Variants in EPHA3 observed in about 807,000 individuals in gnomAD.
The protein encoded by EPHA3 is ephrin type-A receptor 3.
Under a neutral mutation model 107.1 loss-of-function variants are expected in EPHA3, and 42 were observed. The ratio of observed to expected loss-of-function variants is 0.39; its 90% confidence interval spans 0.31 to 0.51. EPHA3 has a LOEUF of 0.51. Among genes scored for constraint, EPHA3 ranks in the 20% least tolerant of loss-of-function variants. The pLI is 0.78. For synonymous variants in EPHA3, 461 were observed against 424.8 expected (o/e 1.09, Z -1.05); for missense variants, 1,183 against 1,211.2 (o/e 0.98, Z 0.35).
chr3:89,309,592 C>A (rs954310364), intron 3 of EPHA3, among the ~76,000 whole-genome samples: 5 of 152,086 alleles, frequency 3.3e-5, no homozygotes, highest in African/African-American at 4.8e-5. Context: ...CTTTTACTAG[C>A]CTATCCCATA....
At chr3:89,340,330 T>A (rs1035121141) in intron 3 of EPHA3, among the ~76,000 whole-genome samples, 1 of 152,224 alleles carries the variant, frequency 6.6e-6, no homozygotes, top group African/African-American at 2.4e-5. Flanking sequence ...TATATTTAAA[T>A]CTTTATTTTA....
At chr3:89,390,216 C>A (rs1708697653) in intron 5 of EPHA3, among the ~76,000 whole-genome samples, 1 of 152,048 alleles carries the variant, frequency 6.6e-6, no homozygotes. Context: ...GTCTCGACCT[C>A]CTGACCTCAT....
chr3:89,452,469 C>T (rs1230649957), intron 15 of EPHA3, among the ~76,000 whole-genome samples: 1 of 152,170 alleles, frequency 6.6e-6, no homozygotes, highest in Non-Finnish European at 1.5e-5. Flanking sequence ...AGTACCTTTA[C>T]ATAAACCTGT....
intron 3 of EPHA3, among the ~76,000 whole-genome samples, chr3:89,267,210 A>G (rs1466216099): frequency 6.6e-6 from 1 of 152,134 alleles, no homozygotes; most frequent in Non-Finnish European, 1.5e-5. Flanking sequence ...TACCTTGCCA[A>G]ATGTTCCATT....
chr3:89,411,672 G>C (rs1409718158), intron 9 of EPHA3, among the ~76,000 whole-genome samples: 2 of 151,852 alleles, frequency 1.3e-5, no homozygotes, highest in Non-Finnish European at 2.9e-5. Context: ...TCATGAAGTT[G>C]TCTTGTAGTT....
chr3:89,141,648 G>C (rs1238026114), intron 2 of EPHA3, among the ~76,000 whole-genome samples: 1 of 151,518 alleles, frequency 6.6e-6, no homozygotes, highest in Non-Finnish European at 1.5e-5. Context: ...GCTTTCGCCT[G>C]CAAATAAATT....
At chr3:89,282,801 C>T (rs1178617508) in intron 3 of EPHA3, among the ~76,000 whole-genome samples, 1 of 152,012 alleles carries the variant, frequency 6.6e-6, no homozygotes, top group East Asian at 1.9e-4. Context: ...CAGTCTCCTG[C>T]ACCAAAACTG....
At chr3:89,428,570 A>G (rs998821594) in intron 11 of EPHA3, among the ~76,000 whole-genome samples, 1 of 152,050 alleles carries the variant, frequency 6.6e-6, no homozygotes, top group African/African-American at 2.4e-5. Flanking sequence ...AATTATAACT[A>G]TTATTCTGAA....
intron 15 of EPHA3, among the ~76,000 whole-genome samples, chr3:89,458,475 C>T (rs1017357419): frequency 1.3e-5 from 2 of 152,078 alleles, no homozygotes; most frequent in African/African-American, 4.8e-5. Context: ...AAAACAAAAA[C>T]TGAGGGAATA....
intron 5 of EPHA3, among the ~76,000 whole-genome samples, chr3:89,354,339 GC>G (rs998759668): frequency 6.6e-6 from 1 of 150,886 alleles, no homozygotes; most frequent in African/African-American, 2.4e-5. Context: ...ACTACCACTG[GC>G]AAAACTCTTT....
Position 89,367,341 on chromosome 3 carries a change from A to G in EPHA3, c.1306+25251A>G, listed in dbSNP as rs557655210. On this transcript the variant is annotated intron_variant, in intron 5 of 16. Transcript: ENST00000336596. ...CAGTTCTTGAGTCACTTCCTGCAGG[A>G]TGTTTCCCATTTCTTCACTAGAGTG... Among the ~76,000 whole-genome samples the G allele has an allele frequency of 9.3e-5, 14 of 150,388 alleles. No homozygotes were observed. In the South Asian group the frequency reaches 1.0e-3, roughly 11 times the overall value.
At chr3:89,378,656 T>A (rs1179429527) in intron 5 of EPHA3, among the ~76,000 whole-genome samples, 1 of 152,180 alleles carries the variant, frequency 6.6e-6, no homozygotes, top group Non-Finnish European at 1.5e-5. Context: ...TAATGACAAT[T>A]TTCTGTAAAC....
intron 2 of EPHA3, among the ~76,000 whole-genome samples, chr3:89,197,298 A>T (rs1220242150): frequency 6.6e-6 from 1 of 152,140 alleles, no homozygotes; most frequent in Non-Finnish European, 1.5e-5. Flanking sequence ...CTTACTATCG[A>T]TATTATCTAT....
intron 3 of EPHA3, among the ~76,000 whole-genome samples, chr3:89,240,998 C>T (rs112419107): frequency 1.1e-4 from 17 of 151,634 alleles, no homozygotes; most frequent in South Asian, 6.2e-4. Context: ...ACTTTATAAA[C>T]GTATAATTTA....
Position 89,402,607 on chromosome 3 carries a change from G to C in EPHA3, c.1594+3127G>C, listed in dbSNP as rs116655930. The stretch of plus-strand genomic sequence containing the variant: ...ATAAGACTCTTATTTGTTATATATT[G>C]ATTTTTTTAAAAAATAGACATAAGA... On this transcript the variant is annotated intron_variant, in intron 7 of 16. Coordinates refer to ENST00000336596, the MANE Select transcript of EPHA3 (RefSeq NM_005233.6). Among the ~76,000 whole-genome samples the C allele has an allele frequency of 9.7e-3, 1,481 of 151,908 alleles. 26 individuals are homozygous for C. The highest frequency in any genetic ancestry group is 0.034 in the African/African-American group (1,414 of 41,440).
At chr3:89,167,692 A>T (rs765808515) in intron 2 of EPHA3, among the ~76,000 whole-genome samples, 1 of 152,154 alleles carries the variant, frequency 6.6e-6, no homozygotes, top group African/African-American at 2.4e-5. Context: ...TCCTTCCTTT[A>T]GAAATTATAG....
intron 3 of EPHA3, among the ~76,000 whole-genome samples, chr3:89,226,357 T>G (rs1328696649): frequency 6.6e-6 from 1 of 152,118 alleles, no homozygotes; most frequent in Admixed American, 6.6e-5. Context: ...TAACAAGTAC[T>G]TTATAAGTGT....
At chr3:89,455,589 G>T (rs1460599904) in intron 15 of EPHA3, among the ~76,000 whole-genome samples, 1 of 152,140 alleles carries the variant, frequency 6.6e-6, no homozygotes, top group African/African-American at 2.4e-5. Flanking sequence ...GTAGAGGGAG[G>T]AGCAAAAGTA....
intron 6 of EPHA3, among the ~76,000 whole-genome samples, chr3:89,397,727 G>T (rs1708879600): frequency 6.6e-6 from 1 of 152,104 alleles, no homozygotes. Context: ...GGGATGATAG[G>T]CATGCGCCAC....
Sources: allele counts gnomAD v4.1 joint callset (sites outside exome capture counted in the v4.1 genomes callset), GRCh38; gene constraint gnomAD v4.1.1; transcripts MANE v1.5; gene names NCBI Gene and HGNC (gene_info 2026-07-23, HGNC 2026-07-21).